ST8SIA6: variants seen among roughly 807,000 people sequenced by gnomAD.
The protein encoded by ST8SIA6 is ST8 alpha-N-acetyl-neuraminide alpha-2,8-sialyltransferase 6.
In ST8SIA6, 39 loss-of-function variants were observed where a neutral mutation model predicts 33.6. The observed-to-expected ratio is 1.16, with a 90% CI of 0.90 to 1.52. ST8SIA6 has a LOEUF of 1.52. Among genes scored for constraint, ST8SIA6 ranks in the 40% most tolerant of loss-of-function variants. ST8SIA6 has a pLI of 0.00. For missense variants in ST8SIA6, 441 were observed against 443.8 expected, an observed-to-expected ratio of 0.99 and a Z score of 0.06; for synonymous variants, 172 against 167.2, an observed-to-expected ratio of 1.03 and a Z score of -0.22.
chr10:17,424,324 G>A (rs1208800166), intron 2 of ST8SIA6, among the ~76,000 whole-genome samples: 3 of 151,950 alleles, frequency 2.0e-5, no homozygotes, highest in African/African-American at 4.8e-5. Flanking sequence ...GGCTGGTCTC[G>A]AGCTCCTGAC....
At chr10:17,378,472 C>T (rs1474656460) in intron 3 of ST8SIA6, among the ~76,000 whole-genome samples, 1 of 152,132 alleles carries the variant, frequency 6.6e-6, no homozygotes. Flanking sequence ...CCACAGGGTC[C>T]GATGGAGCAA....
intron 3 of ST8SIA6, among the ~76,000 whole-genome samples, chr10:17,363,211 A>AGAGCTCAATAGCTATT (rs1256950375): frequency 3.3e-5 from 5 of 152,140 alleles, no homozygotes; most frequent in Non-Finnish European, 7.3e-5. Context: ...TTCTCACGTT[A>AGAGCTCAATAGCTATT]GAGCTCAATA....
chr10:17,409,714 TA>T, intron 2 of ST8SIA6: 1 of 152,228 alleles, frequency 6.6e-6, no homozygotes, highest in Non-Finnish European at 1.5e-5. Flanking sequence ...CCGTCTCTAC[TA>T]AAAGTACAAA....
chr10:17,399,755 A>G (rs953871046), intron 2 of ST8SIA6, among the ~76,000 whole-genome samples: 2 of 151,938 alleles, frequency 1.3e-5, no homozygotes, highest in Admixed American at 6.6e-5. Context: ...CTGTCTCTAT[A>G]TACAATTTAA....
In ST8SIA6 at chr10:17,323,151, G is replaced by T. The variant is rs1010739939; in HGVS notation, c.642C>A (p.Asn214Lys). 4.3e-6 allele frequency: 7 copies of T among 1,611,582 alleles called. No individual in the cohort carries two copies. Among genetic ancestry groups the T allele is most frequent in the South Asian group, 2.2e-5 (2 of 90,640 alleles). ...IDKSDFVFRC[N>K]LPPTTGDVSK... The stretch of plus-strand genomic sequence containing the variant: ...TAACATCTCCTGTGGTTGGGGGTAG[G>T]TTACACCTGAAATTTGAAAAGAAAA... The change falls in exon 7 of 8, where the codon AAC (asparagine) becomes AAA (lysine). Residue 214 changes from asparagine (N) to lysine (K), a missense_variant. Transcript: ENST00000377602.
chr10:17,333,835 C>T (rs1340538066), intron 4 of ST8SIA6, among the ~76,000 whole-genome samples: 1 of 146,174 alleles, frequency 6.8e-6, no homozygotes, highest in East Asian at 2.1e-4. Flanking sequence ...AATTCTCCTG[C>T]CTCAGCCTCC....
At chr10:17,390,136 C>T (rs560387319) in intron 3 of ST8SIA6, among the ~76,000 whole-genome samples, 2 of 152,202 alleles carry the variant, frequency 1.3e-5, no homozygotes, top group South Asian at 4.2e-4. Context: ...ATTACAGGCA[C>T]ATGCCACCCA....
intron 2 of ST8SIA6, among the ~76,000 whole-genome samples, chr10:17,412,937 T>C (rs1418306676): frequency 8.5e-5 from 13 of 152,218 alleles, no homozygotes. Context: ...TAAATTGTCA[T>C]GTGTACTCCA....
intron 2 of ST8SIA6, among the ~76,000 whole-genome samples, chr10:17,445,511 A>T (rs1007369197): frequency 9.9e-5 from 15 of 152,158 alleles, no homozygotes; most frequent in Non-Finnish European, 1.6e-4. Flanking sequence ...AGAGGTTTTG[A>T]TTCTCCTCCC....
intron 2 of ST8SIA6, among the ~76,000 whole-genome samples, chr10:17,395,871 G>A (rs945305592): frequency 4.6e-5 from 7 of 151,942 alleles, no homozygotes; most frequent in East Asian, 1.9e-4. Flanking sequence ...CAACAAGAGC[G>A]AAACAAAACA....
intron 4 of ST8SIA6, among the ~76,000 whole-genome samples, chr10:17,342,423 A>G (rs359315): frequency 0.62 from 94,759 of 151,936 alleles, 30,512 homozygotes; most frequent in African/African-American, 0.79. Flanking sequence ...CAGCGCACAG[A>G]AGGCACTTGA....
chr10:17,384,777 C>T (rs1163002560), intron 3 of ST8SIA6, among the ~76,000 whole-genome samples: 1 of 152,212 alleles, frequency 6.6e-6, no homozygotes, highest in African/African-American at 2.4e-5. Flanking sequence ...AAGCTACTTT[C>T]ATACCTACTT....
At chr10:17,428,524 G>A (rs1202385378) in intron 2 of ST8SIA6, among the ~76,000 whole-genome samples, 1 of 152,084 alleles carries the variant, frequency 6.6e-6, no homozygotes, top group African/African-American at 2.4e-5. Flanking sequence ...GACCTATGTG[G>A]AGAAACACAC....
At position 17,387,450 on chromosome 10, in the gene ST8SIA6, G is replaced by C. The variant is rs972519307; in HGVS notation, c.290+3081C>G. Among the ~76,000 whole-genome samples, 8 of 123,134 alleles carry C rather than the reference G, an allele frequency of 6.5e-5. No individual in the cohort carries two copies. The South Asian group carries it at 8.3e-4, about 13-fold the overall frequency. 80.8% of individuals were successfully genotyped at this position (123,134 alleles called of 152,430 possible). On this transcript the variant is annotated intron_variant, in intron 3 of 7. Coordinates refer to ENST00000377602, the MANE Select transcript of ST8SIA6 (RefSeq NM_001004470.3). ...GTTTTTAGTCGGGGCGGTGGGGCGGGGGGGGGGGGGTTCTCCATGTTGGTC... is the reference window on the plus strand; with the variant it reads ...GTTTTTAGTCGGGGCGGTGGGGCGGCGGGGGGGGGGTTCTCCATGTTGGTC...
chr10:17,438,156 T>A (rs906043735), intron 2 of ST8SIA6, among the ~76,000 whole-genome samples: 1 of 152,224 alleles, frequency 6.6e-6, no homozygotes. Context: ...GGTCTTTCCC[T>A]GTCCTGGTTA....
At chr10:17,439,531 C>T (rs143700527) in intron 2 of ST8SIA6, among the ~76,000 whole-genome samples, 3 of 152,342 alleles carry the variant, frequency 2.0e-5, no homozygotes, top group Non-Finnish European at 2.9e-5. Flanking sequence ...CCACCCGCCT[C>T]GGCCTCAGCA....
rs1316212681 is a variant in ST8SIA6, at chr10:17,315,511, C to T, written c.*5367G>A. Among the ~76,000 whole-genome samples, 2 of 151,906 alleles carry T rather than the reference C, an allele frequency of 1.3e-5. No individual in the cohort carries two copies. The highest frequency in any genetic ancestry group is 2.9e-5 in the Non-Finnish European group (2 of 67,842). On this transcript the variant is annotated 3_prime_UTR_variant, in exon 8 of 8. Coordinates refer to ENST00000377602, the MANE Select transcript of ST8SIA6 (RefSeq NM_001004470.3). ...AATGAGCAGATAAGCCAACTGTGGT[C>T]CATCCATATAACATAATTCTACTCA... is the stretch of plus-strand genomic sequence containing the variant.
At chr10:17,377,020 T>C (rs568681097) in intron 3 of ST8SIA6, among the ~76,000 whole-genome samples, 10 of 152,308 alleles carry the variant, frequency 6.6e-5, no homozygotes, top group Non-Finnish European at 1.0e-4. Context: ...CAGGTATACA[T>C]TGAGATGGCC....
At chr10:17,371,782 T>TAAAAAAAAAAA (rs202019274) in intron 3 of ST8SIA6, among the ~76,000 whole-genome samples, 2 of 89,528 alleles carry the variant, frequency 2.2e-5, no homozygotes, top group African/African-American at 4.4e-5. Context: ...CAAGACTCCA[T>TAAAAAAAAAAA]TAAAAAAAAA....
Sources: gnomAD v4.1 joint callset for allele counts (sites outside exome capture counted in the v4.1 genomes callset) on GRCh38, gnomAD v4.1.1 for gene constraint, MANE v1.5 for transcripts, NCBI Gene and HGNC (gene_info 2026-07-23, HGNC 2026-07-21) for gene names.